POC1A: variants seen among roughly 807,000 people sequenced by gnomAD.
POC1A encodes the protein POC1 centriolar protein A, also known as POC1 centriolar protein homolog A.
In POC1A, 34 loss-of-function variants were observed where a neutral mutation model predicts 47.8. The observed-to-expected ratio is 0.71, with a 90% CI of 0.54 to 0.95. The LOEUF is 0.95. Ranked by LOEUF, POC1A falls within the 40% of genes least tolerant of loss-of-function variation. The pLI, the probability that POC1A is intolerant of heterozygous loss-of-function variation, is 0.00. For missense variants in POC1A, 466 were observed against 528.3 expected, an observed-to-expected ratio of 0.88 and a Z score of 1.16; for synonymous variants, 177 against 207.6, an observed-to-expected ratio of 0.85 and a Z score of 1.27.
intron 10 of POC1A, 75 bp from the exon 11 acceptor site, chr3:52,076,060 C>A: frequency 8.7e-7 from 1 of 1,146,778 alleles, no homozygotes. Context: ...TTGGCCAGTC[C>A]CCACTTGGCT....
intron 9 of POC1A, among the ~76,000 whole-genome samples, chr3:52,106,180 CAAAAAAA>C (rs11350232): frequency 1.4e-5 from 1 of 73,576 alleles, no homozygotes; most frequent in Non-Finnish European, 2.7e-5. Flanking sequence ...GACTACGTCT[CAAAAAAA>C]AAAAAAAAAA....
At chr3:52,147,161 T>C (rs560842224) in intron 4 of POC1A, 66 bp from the exon 5 acceptor site, 1 of 1,236,958 alleles carries the variant, frequency 8.1e-7, no homozygotes, top group Non-Finnish European at 1.2e-6. Context: ...CACACCTTCT[T>C]CCACAGCCAC....
In POC1A at chr3:52,138,206, A is replaced by G. The variant is rs141779122; in HGVS notation, c.776T>C (p.Met259Thr). 274 of 1,613,926 alleles carry G rather than the reference A, an allele frequency of 1.7e-4. No individual in the cohort carries two copies. The highest frequency in any genetic ancestry group is 2.3e-4 in the Non-Finnish European group (267 of 1,179,982). The change falls in exon 7 of 11, where the codon ATG (methionine) becomes ACG (threonine). Residue 259 changes from methionine to threonine, a missense_variant. Coordinates refer to ENST00000296484, the MANE Select transcript of POC1A (RefSeq NM_015426.5). Reference protein sequence around the residue: ...SDSTLKILDLMEGRLLYTLHG... With the variant: ...SDSTLKILDLTEGRLLYTLHG... ...GAGTGTGTAGAGCAGCCGGCCCTCC[A>G]TCAGGTCCAGGATCTTCAGGGTTGA... is the stretch of plus-strand genomic sequence containing the variant.
At chr3:52,147,527 G>A (rs908825643) in intron 4 of POC1A, among the ~76,000 whole-genome samples, 3 of 151,828 alleles carry the variant, frequency 2.0e-5, no homozygotes, top group Admixed American at 6.6e-5. Flanking sequence ...TCTACCTCCT[G>A]GGCTCAAGAG....
At position 52,151,038 on chromosome 3, in the gene POC1A, G is replaced by T; in HGVS notation, c.81C>A (p.Phe27Leu). 3 of 1,613,702 alleles carry T rather than the reference G, an allele frequency of 1.9e-6. No individual in the cohort carries two copies. The highest frequency in any genetic ancestry group is 2.5e-6 in the Non-Finnish European group (3 of 1,179,838). ...GHRDAVTCVD[F>L]SINTKQLASG... Reference sequence around the variant, plus strand: ...TACCCAGCTGCTTTGTGTTGATACTGAAGTCCACACAGGTAACTGCATCTC... The same window carrying T: ...TACCCAGCTGCTTTGTGTTGATACTTAAGTCCACACAGGTAACTGCATCTC... Residue 27 changes from phenylalanine to leucine, a missense_variant, in exon 2 of 11, where the codon TTC (phenylalanine) becomes TTA (leucine). Phe to Leu is a conservative substitution (Grantham distance 22, BLOSUM62 0). Transcript: ENST00000296484.
rs1187719261 is a variant in POC1A, at chr3:52,096,621, G to A, written c.1073C>T (p.Thr358Ile). The change falls in exon 10 of 11, where the codon ACA becomes ATA. Residue 358 changes from threonine (T) to isoleucine (I), a missense_variant. Physicochemically the swap from Thr to Ile is moderately conservative, Grantham distance 89. Coordinates refer to ENST00000296484, the MANE Select transcript of POC1A (RefSeq NM_015426.5). ...QPQEPVSVPQTLTSTLEHIVG... is the reference protein window; with the variant it reads ...QPQEPVSVPQILTSTLEHIVG... ...AATGTGCTCCAGCGTGCTAGTCAGT[G>A]TCTGGGGCACACTCACGGGCTCCTG... The A allele has an allele frequency of 6.2e-7, 1 of 1,612,688 alleles. No homozygotes were observed. Among genetic ancestry groups the A allele is most frequent in the South Asian group, 1.1e-5 (1 of 90,992 alleles).
At chr3:52,102,843 T>C (rs1026710099) in intron 9 of POC1A, among the ~76,000 whole-genome samples, 5 of 152,084 alleles carry the variant, frequency 3.3e-5, no homozygotes, top group African/African-American at 1.2e-4. Context: ...AAATCACCTA[T>C]AGGCATCAAG....
Position 52,087,104 on chromosome 3 carries a change from G to A in POC1A, c.1125+9465C>T, listed in dbSNP as rs565409368. ...CTTGAAGGGATAGAGGGAGAGTGGG[G>A]CGGGCAGTAGGAGGGGCAGGCCCCA... On this transcript the variant is annotated intron_variant, in intron 10 of 10. Coordinates refer to ENST00000296484, the MANE Select transcript of POC1A (RefSeq NM_015426.5). Among the ~76,000 whole-genome samples the A allele has an allele frequency of 2.0e-5, 3 of 152,354 alleles. No individual in the cohort carries two copies. In the East Asian group the frequency reaches 5.8e-4, roughly 29 times the overall value.
intron 7 of POC1A, among the ~76,000 whole-genome samples, chr3:52,130,052 C>G (rs997146979): frequency 8.5e-5 from 13 of 152,228 alleles, no homozygotes; most frequent in African/African-American, 3.1e-4. Context: ...CTCACCTTCT[C>G]CCGCCTGACT....
chr3:52,143,397 C>T (rs1698261791), intron 6 of POC1A, among the ~76,000 whole-genome samples: 1 of 152,126 alleles, frequency 6.6e-6, no homozygotes, highest in Non-Finnish European at 1.5e-5. Flanking sequence ...TCCTCGGCTG[C>T]TCTGCATTGC....
At chr3:52,097,304 T>C (rs1165078493) in intron 9 of POC1A, among the ~76,000 whole-genome samples, 1 of 152,084 alleles carries the variant, frequency 6.6e-6, no homozygotes, top group Non-Finnish European at 1.5e-5. Context: ...AAAACAAAGA[T>C]TTCTGTGTGC....
chr3:52,142,741 G>A (rs1341367367), intron 6 of POC1A, among the ~76,000 whole-genome samples: 1 of 152,190 alleles, frequency 6.6e-6, no homozygotes, highest in Non-Finnish European at 1.5e-5. Context: ...ACAGAAAGCG[G>A]ATCAGGCATC....
chr3:52,134,021 T>C (rs1347714519), intron 7 of POC1A, among the ~76,000 whole-genome samples: 1 of 152,202 alleles, frequency 6.6e-6, no homozygotes, highest in Non-Finnish European at 1.5e-5. Context: ...CAAAGTTTCA[T>C]GGGGCTCCCT....
At chr3:52,153,655 C>CT (rs1698626589) in intron 1 of POC1A, among the ~76,000 whole-genome samples, 1 of 152,262 alleles carries the variant, frequency 6.6e-6, no homozygotes, top group African/African-American at 2.4e-5. Context: ...CGCCTCCCCT[C>CT]TGTAGTTCCC....
chr3:52,085,863 G>A (rs1237108466), intron 10 of POC1A, among the ~76,000 whole-genome samples: 1 of 152,132 alleles, frequency 6.6e-6, no homozygotes, highest in Non-Finnish European at 1.5e-5. Context: ...TGTCTGGCTG[G>A]GCACAGGCAT....
intron 8 of POC1A, 122 bp downstream of exon 8, chr3:52,124,991 G>A (rs1703940987): frequency 2.7e-6 from 2 of 746,768 alleles, no homozygotes; most frequent in Admixed American, 2.5e-5. Flanking sequence ...CTTTTTAGTC[G>A]CTGAAAGCCA....
chr3:52,119,156 G>C (rs1374582829), intron 9 of POC1A, among the ~76,000 whole-genome samples: 1 of 152,076 alleles, frequency 6.6e-6, no homozygotes, highest in Non-Finnish European at 1.5e-5. Context: ...GTTGAACAGA[G>C]TCCTCACACT....
intron 8 of POC1A, among the ~76,000 whole-genome samples, chr3:52,124,738 C>T (rs1703931528): frequency 6.6e-6 from 1 of 152,206 alleles, no homozygotes; most frequent in African/African-American, 2.4e-5. Context: ...TCACATTGGC[C>T]ATATTCCCAG....
intron 9 of POC1A, among the ~76,000 whole-genome samples, chr3:52,108,886 A>G (rs1250524364): frequency 6.6e-6 from 1 of 152,228 alleles, no homozygotes; most frequent in Non-Finnish European, 1.5e-5. Context: ...CTTCAAAGAC[A>G]GCCAGTGCCC....
Sources: gnomAD v4.1 joint callset for allele counts (sites outside exome capture counted in the v4.1 genomes callset) on GRCh38, gnomAD v4.1.1 for gene constraint, MANE v1.5 for transcripts, NCBI Gene and HGNC (gene_info 2026-07-23, HGNC 2026-07-21) for gene names.